SGCZ: variants seen among roughly 807,000 people sequenced by gnomAD.
The protein encoded by SGCZ is zeta-sarcoglycan.
In SGCZ, 40 loss-of-function variants were observed where a neutral mutation model predicts 41.3. That is an observed-to-expected ratio of 0.97 (90% confidence interval 0.75 to 1.26). The LOEUF (loss-of-function observed/expected upper bound fraction) is 1.26, where lower values mean the gene tolerates loss of function less well. Among genes scored for constraint, SGCZ ranks in the 50% most tolerant of loss-of-function variants. The pLI is 0.00. For missense variants in SGCZ, 552 were observed against 369.8 expected, an observed-to-expected ratio of 1.49 and a Z score of -4.04; for synonymous variants, 206 against 137.5, an observed-to-expected ratio of 1.50 and a Z score of -3.49.
intron 4 of SGCZ, among the ~76,000 whole-genome samples, chr8:14,208,886 A>G (rs1464505282): frequency 6.6e-6 from 1 of 152,186 alleles, no homozygotes; most frequent in Non-Finnish European, 1.5e-5. Context: ...AGTACTCAGT[A>G]AGGTTTTCCT....
chr8:14,541,347 G>C (rs964303698), intron 2 of SGCZ, among the ~76,000 whole-genome samples: 1 of 151,812 alleles, frequency 6.6e-6, no homozygotes, highest in Non-Finnish European at 1.5e-5. Context: ...TCCCCTCCCT[G>C]TGTCCATGTG....
intron 2 of SGCZ, among the ~76,000 whole-genome samples, chr8:14,495,815 A>C (rs1475287556): frequency 1.3e-5 from 2 of 152,096 alleles, no homozygotes; most frequent in African/African-American, 2.4e-5. Flanking sequence ...AGCCATCCAA[A>C]AGCTATGGGC....
chr8:15,160,421 C>T (rs865794537), intron 1 of SGCZ, among the ~76,000 whole-genome samples: 3 of 152,112 alleles, frequency 2.0e-5, no homozygotes, highest in Non-Finnish European at 4.4e-5. Flanking sequence ...CACCTTTGGG[C>T]TACTGTGAAT....
chr8:14,644,155 T>A lies in SGCZ; in HGVS notation c.40-89229A>T, dbSNP rs375529830. Among the ~76,000 whole-genome samples, 9 of 151,882 alleles carry A rather than the reference T, an allele frequency of 5.9e-5. No individual in the cohort carries two copies. In the East Asian group the frequency reaches 1.2e-3, roughly 20 times the overall value. On this transcript the variant is annotated intron_variant, in intron 1 of 7. Transcript: ENST00000382080. ...ATTTCTCCACTTGGCTAGGCTATGG[T>A]GCCCAGTTGTTTAGTCAAGCACCCA...
intron 2 of SGCZ, among the ~76,000 whole-genome samples, chr8:14,378,842 G>A (rs1258791207): frequency 1.3e-5 from 2 of 152,068 alleles, no homozygotes; most frequent in Non-Finnish European, 2.9e-5. Flanking sequence ...TGCACACTGA[G>A]TGTCAGACGT....
chr8:14,784,012 T>C (rs1800671776), intron 1 of SGCZ, among the ~76,000 whole-genome samples: 1 of 151,952 alleles, frequency 6.6e-6, no homozygotes, highest in Admixed American at 6.6e-5. Context: ...ACCCTTTAAA[T>C]AATTCTAACC....
chr8:14,139,636 C>T (rs1177983738), intron 5 of SGCZ, among the ~76,000 whole-genome samples: 1 of 151,990 alleles, frequency 6.6e-6, no homozygotes, highest in Non-Finnish European at 1.5e-5. Context: ...AAGACTAAAC[C>T]AGGAAGAAGT....
At chr8:14,307,365 T>G (rs751667287) in intron 3 of SGCZ, among the ~76,000 whole-genome samples, 2 of 152,148 alleles carry the variant, frequency 1.3e-5, no homozygotes, top group African/African-American at 2.4e-5. Context: ...AAACTTCTAT[T>G]TGCATATCTG....
chr8:14,696,909 G>A (rs1054198864), intron 1 of SGCZ, among the ~76,000 whole-genome samples: 72 of 151,436 alleles, frequency 4.8e-4, no homozygotes, highest in African/African-American at 1.6e-3. Flanking sequence ...GGCGAAATAT[G>A]TTTTCCCAAG....
At chr8:14,276,864 T>A (rs1454904272) in intron 3 of SGCZ, among the ~76,000 whole-genome samples, 1 of 152,138 alleles carries the variant, frequency 6.6e-6, no homozygotes, top group Non-Finnish European at 1.5e-5. Flanking sequence ...AGTAAATAAC[T>A]TTGAAAGTTT....
intron 2 of SGCZ, among the ~76,000 whole-genome samples, chr8:14,457,434 G>T (rs1360830120): frequency 1.3e-5 from 2 of 151,910 alleles, no homozygotes; most frequent in Admixed American, 1.3e-4. Context: ...CGGGAAAAGA[G>T]GGGGTCTCCC....
intron 1 of SGCZ, among the ~76,000 whole-genome samples, chr8:14,868,652 A>G (rs1006822797): frequency 1.3e-5 from 2 of 152,154 alleles, no homozygotes; most frequent in Non-Finnish European, 2.9e-5. Context: ...GAAAGAGACA[A>G]TTAGAACAGA....
At chr8:14,476,590 G>A (rs1801368661) in intron 2 of SGCZ, among the ~76,000 whole-genome samples, 1 of 151,930 alleles carries the variant, frequency 6.6e-6, no homozygotes, top group South Asian at 2.1e-4. Flanking sequence ...CTTATCTATG[G>A]CTAATGGTCA....
At chr8:14,226,157 T>C (rs962567468) in intron 4 of SGCZ, among the ~76,000 whole-genome samples, 3 of 151,950 alleles carry the variant, frequency 2.0e-5, no homozygotes, top group Admixed American at 6.6e-5. Context: ...CTTACATAGT[T>C]GCATGAAGAA....
intron 5 of SGCZ, among the ~76,000 whole-genome samples, chr8:14,154,106 C>T (rs1043973392): frequency 6.6e-6 from 1 of 152,124 alleles, no homozygotes; most frequent in Non-Finnish European, 1.5e-5. Flanking sequence ...CCCGGTGGCT[C>T]ATGCCTGTAA....
chr8:14,863,163 G>A (rs1424167198), intron 1 of SGCZ, among the ~76,000 whole-genome samples: 1 of 152,094 alleles, frequency 6.6e-6, no homozygotes, highest in Non-Finnish European at 1.5e-5. Context: ...CTTCCAGCCT[G>A]GCCTTATACC....
At chr8:15,209,761 C>T (rs1801181548) in intron 1 of SGCZ, among the ~76,000 whole-genome samples, 1 of 56,902 alleles carries the variant, frequency 1.8e-5, no homozygotes, top group Admixed American at 1.6e-4. Context: ...CCAGTAGTTG[C>T]CTTAAAAAAA....
intron 1 of SGCZ, among the ~76,000 whole-genome samples, chr8:14,714,161 G>T (rs1210298097): frequency 6.6e-6 from 1 of 151,948 alleles, no homozygotes; most frequent in African/African-American, 2.4e-5. Context: ...TAGAGATGGG[G>T]TTTCACCATG....
chr8:15,020,801 C>A (rs1803220966), intron 1 of SGCZ, among the ~76,000 whole-genome samples: 1 of 152,152 alleles, frequency 6.6e-6, no homozygotes. Context: ...TTAAACTATC[C>A]ACACTTGTGT....
Sources: gnomAD v4.1 joint callset for allele counts (sites outside exome capture counted in the v4.1 genomes callset) on GRCh38, gnomAD v4.1.1 for gene constraint, MANE v1.5 for transcripts, NCBI Gene and HGNC (gene_info 2026-07-23, HGNC 2026-07-21) for gene names.